Variants in CENPW observed in about 807,000 individuals in gnomAD.
The protein encoded by CENPW is cancer-up-regulated gene 2 protein.
A neutral mutation model predicts 11.1 loss-of-function variants in CENPW; 3 were observed. That is an observed-to-expected ratio of 0.27 (90% CI 0.12 to 0.70). The LOEUF is 0.70. Among genes scored for constraint, CENPW ranks in the 30% least tolerant of loss-of-function variants. CENPW has a pLI of 0.77. For missense variants in CENPW, 100 were observed against 105.6 expected (o/e 0.95, Z 0.23); for synonymous variants, 38 against 42.0 (o/e 0.91, Z 0.37).
the CENPW span, among the ~76,000 whole-genome samples, chr6:126,466,163 C>T: frequency 1.7e-4 from 26 of 151,738 alleles, no homozygotes; most frequent in East Asian, 1.7e-3. Context: ...CATTAAGGTA[C>T]GTAAATAAAA....
At chr6:126,414,788 T>G in the CENPW span, among the ~76,000 whole-genome samples, 3 of 149,096 alleles carry the variant, frequency 2.0e-5, no homozygotes, top group South Asian at 2.1e-4. Context: ...AGAACATAAA[T>G]AAAATAAAAC....
At chr6:126,482,076 G>A in the CENPW span, among the ~76,000 whole-genome samples, 1 of 151,978 alleles carries the variant, frequency 6.6e-6, no homozygotes. Context: ...TAGAGGAAAT[G>A]CTCTAGAATT....
At chr6:126,390,836 G>A in the CENPW span, among the ~76,000 whole-genome samples, 1 of 151,866 alleles carries the variant, frequency 6.6e-6, no homozygotes, top group Admixed American at 6.6e-5. Flanking sequence ...ATACTCTATT[G>A]TGTATATGTA....
At chr6:126,419,227 G>C in the CENPW span, among the ~76,000 whole-genome samples, 4 of 152,140 alleles carry the variant, frequency 2.6e-5, no homozygotes, top group African/African-American at 9.7e-5. Flanking sequence ...TTTAGTGCAG[G>C]AGAGTCTAAG....
the CENPW span, among the ~76,000 whole-genome samples, chr6:126,480,716 T>C: frequency 6.6e-6 from 1 of 152,008 alleles, no homozygotes; most frequent in African/African-American, 2.4e-5. Flanking sequence ...TTTCAGAGTA[T>C]AGACACTGCT....
the CENPW span, among the ~76,000 whole-genome samples, chr6:126,481,208 G>C: frequency 1.3e-5 from 2 of 152,062 alleles, no homozygotes; most frequent in Admixed American, 1.3e-4. Context: ...CAGATTACCT[G>C]AGCTTCAGAT....
the CENPW span, among the ~76,000 whole-genome samples, chr6:126,470,499 T>C: frequency 6.6e-6 from 1 of 152,210 alleles, no homozygotes; most frequent in African/African-American, 2.4e-5. Flanking sequence ...ACTAGGGCAA[T>C]GCAGAGGGGA....
the CENPW span, among the ~76,000 whole-genome samples, chr6:126,475,305 C>T: frequency 6.6e-6 from 1 of 151,910 alleles, no homozygotes; most frequent in Non-Finnish European, 1.5e-5. Context: ...TTATTTGTAA[C>T]TCATAAGTGT....
chr6:126,355,186 A>T, the CENPW span, among the ~76,000 whole-genome samples: 1 of 152,190 alleles, frequency 6.6e-6, no homozygotes, highest in Non-Finnish European at 1.5e-5. Flanking sequence ...AGTTTAAAAG[A>T]ACATTTAATT....
At chr6:126,430,775 C>T in the CENPW span, among the ~76,000 whole-genome samples, 65,441 of 151,842 alleles carry the variant, frequency 0.43, 16,441 homozygotes, top group East Asian at 0.97. Context: ...CATGGTGAAA[C>T]CCCATCACTA....
chr6:126,452,012 T>C, the CENPW span, among the ~76,000 whole-genome samples: 2 of 151,054 alleles, frequency 1.3e-5, no homozygotes, highest in Admixed American at 1.3e-4. Flanking sequence ...CTGATACTGG[T>C]TGGTGCACAT....
At chr6:126,426,802 G>C in the CENPW span, among the ~76,000 whole-genome samples, 1 of 152,124 alleles carries the variant, frequency 6.6e-6, no homozygotes, top group Non-Finnish European at 1.5e-5. Context: ...CCTCCTCCTT[G>C]TCACACTTTT....
At chr6:126,402,117 T>C in the CENPW span, among the ~76,000 whole-genome samples, 1 of 152,064 alleles carries the variant, frequency 6.6e-6, no homozygotes, top group South Asian at 2.1e-4. Context: ...AATGTTGTTT[T>C]GATATTGTAA....
chr6:126,455,943 G>A, the CENPW span, among the ~76,000 whole-genome samples: 2 of 151,046 alleles, frequency 1.3e-5, no homozygotes, highest in Non-Finnish European at 3.0e-5. Context: ...CTAGCTGAGA[G>A]TCAATCAAGA....
chr6:126,420,592 T>C, the CENPW span, among the ~76,000 whole-genome samples: 2 of 152,142 alleles, frequency 1.3e-5, no homozygotes, highest in Non-Finnish European at 2.9e-5. Context: ...TAGACCAAAT[T>C]ATCTGCAGAT....
chr6:126,394,289 G>T, the CENPW span, among the ~76,000 whole-genome samples: 83 of 149,946 alleles, frequency 5.5e-4, no homozygotes, highest in African/African-American at 1.9e-3. Context: ...TTTATTTTTT[G>T]TCTATCCATT....
At chr6:126,362,134 T>A in the CENPW span, among the ~76,000 whole-genome samples, 866 of 152,254 alleles carry the variant, frequency 5.7e-3, 12 homozygotes, top group African/African-American at 0.02. Context: ...TGCACCCCAG[T>A]CCTGCAGGAA....
the CENPW span, among the ~76,000 whole-genome samples, chr6:126,406,627 G>A: frequency 1.3e-5 from 2 of 152,168 alleles, no homozygotes; most frequent in South Asian, 2.1e-4. Context: ...GCTGAGGTGG[G>A]CATATCACAA....
the CENPW span, among the ~76,000 whole-genome samples, chr6:126,471,364 G>A: frequency 6.6e-6 from 1 of 152,166 alleles, no homozygotes; most frequent in East Asian, 1.9e-4. Flanking sequence ...TGCCATGATT[G>A]TAAGTTTCTT....
Sources: allele counts gnomAD v4.1 joint callset (sites outside exome capture counted in the v4.1 genomes callset), GRCh38; gene constraint gnomAD v4.1.1; transcripts MANE v1.5; gene names NCBI Gene and HGNC (gene_info 2026-07-23, HGNC 2026-07-21).